The following GSTA4 variants were observed in gnomAD, a reference collection of about 807,000 sequenced individuals.
The protein encoded by GSTA4 is glutathione S-transferase A4.
GSTA4 carries 15 observed loss-of-function variants against 24.4 expected under a neutral mutation model. That is an observed-to-expected ratio of 0.61 (90% CI 0.41 to 0.95). GSTA4 has a LOEUF of 0.95. GSTA4 is among the 40% of genes least tolerant of loss of function. GSTA4 has a pLI of 0.00. For synonymous variants in GSTA4, 92 were observed against 94.2 expected (o/e 0.98, Z 0.13); for missense variants, 244 against 262.1 (o/e 0.93, Z 0.48).
intron 5 of GSTA4, among the ~76,000 whole-genome samples, chr6:52,983,234 T>C (rs934919223): frequency 1.3e-5 from 2 of 152,202 alleles, no homozygotes; most frequent in African/African-American, 4.8e-5. Flanking sequence ...TCCTCTTACA[T>C]GTCCCAAAAC....
At position 52,978,361 on chromosome 6, in the gene GSTA4, C is replaced by A. The variant is rs72550711; in HGVS notation, c.*109G>T. 5.3e-5 allele frequency: 60 copies of A among 1,123,056 alleles called. No homozygotes were observed. In the African/African-American group the frequency reaches 9.0e-4, roughly 17 times the overall value. The allele number at this position is 1,123,056 out of a possible 1,614,324, so 69.6% of individuals were successfully genotyped here. The stretch of plus-strand genomic sequence containing the variant: ...GACACAAAAGACCCAACTTAGGACC[C>A]AACTTAATACATAGATAGCACCATG... On this transcript the variant is annotated 3_prime_UTR_variant, in exon 7 of 7. Coordinates refer to ENST00000370963, the MANE Select transcript of GSTA4 (RefSeq NM_001512.4).
At chr6:52,991,451 G>A (rs1763659759) in intron 2 of GSTA4, among the ~76,000 whole-genome samples, 2 of 152,034 alleles carry the variant, frequency 1.3e-5, no homozygotes, top group Non-Finnish European at 2.9e-5. Context: ...TACAATAGAA[G>A]TGTGTTCACA....
At chr6:52,994,901 A>G (rs558433924) in intron 1 of GSTA4, among the ~76,000 whole-genome samples, 2 of 152,256 alleles carry the variant, frequency 1.3e-5, no homozygotes, top group Admixed American at 6.5e-5. Flanking sequence ...GCACTCTCCC[A>G]TGCTCGTCTT....
At chr6:52,993,052 G>C (rs953278363) in intron 2 of GSTA4, among the ~76,000 whole-genome samples, 3 of 151,596 alleles carry the variant, frequency 2.0e-5, no homozygotes, top group Admixed American at 2.0e-4. Flanking sequence ...GCAGTGAGCC[G>C]AGATCACACC....
At chr6:52,994,672 T>G (rs747092542) in intron 1 of GSTA4, among the ~76,000 whole-genome samples, 3 of 152,218 alleles carry the variant, frequency 2.0e-5, no homozygotes, top group Non-Finnish European at 4.4e-5. Flanking sequence ...CTGGAAGCTC[T>G]TCAAGTATTC....
At chr6:52,984,193 C>T (rs1335557709) in intron 5 of GSTA4, among the ~76,000 whole-genome samples, 2 of 152,220 alleles carry the variant, frequency 1.3e-5, no homozygotes, top group African/African-American at 4.8e-5. Flanking sequence ...AAGGTGGGAA[C>T]TTGGTGAATG....
chr6:52,978,596 A>G lies in GSTA4; in HGVS notation c.547-4T>C. ...TACTTAGTTTCACTGTGTATTCCTG[A>G]AAAAGGAAAACCAAAACTTTAAGGC... On this transcript the variant is annotated splice_polypyrimidine_tract_variant and splice_region_variant and intron_variant, in intron 6 of 6. Transcript: ENST00000370963. 6.3e-7 allele frequency: 1 copy of G among 1,596,258 alleles called. No homozygotes were observed. Among genetic ancestry groups the G allele is most frequent in the Non-Finnish European group, 8.5e-7 (1 of 1,171,898 alleles).
At chr6:52,986,648 G>T (rs1763565991) in intron 3 of GSTA4, among the ~76,000 whole-genome samples, 1 of 152,172 alleles carries the variant, frequency 6.6e-6, no homozygotes, top group South Asian at 2.1e-4. Context: ...AGCAGGTGAG[G>T]GGAGAGGCAA....
At chr6:52,982,204 A>G (rs942101587) in intron 6 of GSTA4, among the ~76,000 whole-genome samples, 19 of 152,172 alleles carry the variant, frequency 1.2e-4, no homozygotes, top group African/African-American at 4.1e-4. Context: ...CCAGGAGTGC[A>G]GTTATGGAAC....
intron 2 of GSTA4, among the ~76,000 whole-genome samples, chr6:52,989,008 A>G (rs1186705598): frequency 3.3e-5 from 5 of 152,216 alleles, no homozygotes; most frequent in Non-Finnish European, 7.3e-5. Flanking sequence ...TCAGCAAAAG[A>G]TACAGGTCAT....
intron 5 of GSTA4, 32 bp downstream of exon 5, chr6:52,984,432 G>A (rs4986947): frequency 0.058 from 91,956 of 1,583,256 alleles, 3,049 homozygotes; most frequent in Non-Finnish European, 0.066. Context: ...TGGTTTGGTT[G>A]CTCTGTGTAT....
Position 52,993,152 on chromosome 6 carries a change from C to A in GSTA4, c.87+1005G>T, listed in dbSNP as rs377620853. Among the ~76,000 whole-genome samples the A allele has an allele frequency of 7.2e-5, 11 of 152,210 alleles. No individual in the cohort carries two copies. In the East Asian group the frequency reaches 1.7e-3, roughly 24 times the overall value. ...AAAAACAGTGAAATCTGAATAAAGT[C>A]TGTAGTTTAGTTAGTCATGCACCAA... On this transcript the variant is annotated intron_variant, in intron 2 of 6. Coordinates refer to ENST00000370963, the MANE Select transcript of GSTA4 (RefSeq NM_001512.4).
chr6:52,988,702 G>A (rs1763609014), intron 2 of GSTA4, among the ~76,000 whole-genome samples: 1 of 152,152 alleles, frequency 6.6e-6, no homozygotes, highest in South Asian at 2.1e-4. Context: ...CAGAGGAGAG[G>A]AAACTGTTAT....
intron 6 of GSTA4, among the ~76,000 whole-genome samples, chr6:52,980,819 C>T (rs1763438179): frequency 6.6e-6 from 1 of 152,166 alleles, no homozygotes; most frequent in African/African-American, 2.4e-5. Flanking sequence ...TGTTTCCAAG[C>T]TGGTAATTTT....
At chr6:52,990,005 T>C (rs1763633952) in intron 2 of GSTA4, among the ~76,000 whole-genome samples, 1 of 151,626 alleles carries the variant, frequency 6.6e-6, no homozygotes, top group East Asian at 1.9e-4. Flanking sequence ...CCACCACATT[T>C]AGCTCAGAAA....
chr6:52,985,993 A>G (rs1176883417), intron 3 of GSTA4, among the ~76,000 whole-genome samples: 1 of 152,110 alleles, frequency 6.6e-6, no homozygotes, highest in Admixed American at 6.5e-5. Flanking sequence ...GGAGGTTGCA[A>G]TGAGCCAAGA....
intron 4 of GSTA4, 94 bp from the exon 5 acceptor site, chr6:52,984,699 T>TTA: frequency 6.0e-6 from 6 of 995,020 alleles, no homozygotes; most frequent in Non-Finnish European, 7.5e-6. Context: ...TTTTTTTTTT[T>TTA]AAAGATGCTG....
chr6:52,986,211 G>A (rs1763554089), intron 3 of GSTA4, among the ~76,000 whole-genome samples: 1 of 152,190 alleles, frequency 6.6e-6, no homozygotes, highest in Non-Finnish European at 1.5e-5. Context: ...GCTACACGCA[G>A]CTATGTAAAT....
chr6:52,978,632 G>T, intron 6 of GSTA4, 40 bp from the exon 7 acceptor site: 5 of 1,512,390 alleles, frequency 3.3e-6, no homozygotes, highest in Non-Finnish European at 3.6e-6. Flanking sequence ...TAACAAAAAA[G>T]GTATTAGATA....
Sources: gnomAD v4.1 joint callset for allele counts (sites outside exome capture counted in the v4.1 genomes callset) on GRCh38, gnomAD v4.1.1 for gene constraint, MANE v1.5 for transcripts, NCBI Gene and HGNC (gene_info 2026-07-23, HGNC 2026-07-21) for gene names.